Variants in ZNF160 observed in about 807,000 individuals in gnomAD.
ZNF160 encodes zinc finger protein 160.
In ZNF160, 9 loss-of-function variants were observed where a neutral mutation model predicts 13.1. The ratio of observed to expected loss-of-function variants is 0.69; its 90% CI spans 0.41 to 1.20. ZNF160 has a LOEUF of 1.20. ZNF160 is among the 50% of genes most tolerant of loss of function. The pLI is 0.01. For missense variants in ZNF160, 838 were observed against 988.0 expected (o/e 0.85, Z 2.04); for synonymous variants, 293 against 333.2 (o/e 0.88, Z 1.31).
chr19:53,093,338 C>G (rs1009147243), intron 1 of ZNF160, among the ~76,000 whole-genome samples: 5 of 152,150 alleles, frequency 3.3e-5, no homozygotes, highest in African/African-American at 1.2e-4. Context: ...ACTAGGGAGG[C>G]TGAGGCAGGA....
intron 3 of ZNF160, among the ~76,000 whole-genome samples, chr19:53,082,156 G>C (rs759354875): frequency 9.9e-5 from 15 of 152,128 alleles, no homozygotes; most frequent in South Asian, 6.2e-4. Context: ...ACTATCTATC[G>C]GGTACTATGT....
chr19:53,100,949 C>T (rs1392774978), intron 1 of ZNF160, among the ~76,000 whole-genome samples: 1 of 150,886 alleles, frequency 6.6e-6, no homozygotes, highest in African/African-American at 2.4e-5. Context: ...CACGAGTGCA[C>T]TACAGCCTGG....
intron 3 of ZNF160, among the ~76,000 whole-genome samples, chr19:53,079,069 T>C (rs1004628365): frequency 2.0e-5 from 3 of 152,074 alleles, no homozygotes; most frequent in African/African-American, 4.8e-5. Context: ...GGAAACCAAA[T>C]TGTAAAGACA....
At chr19:53,096,381 G>A (rs1460304656) in intron 1 of ZNF160, among the ~76,000 whole-genome samples, 1 of 152,002 alleles carries the variant, frequency 6.6e-6, no homozygotes, top group Non-Finnish European at 1.5e-5. Context: ...GCAGAGCCAA[G>A]GGCCCTTCAT....
intron 2 of ZNF160, among the ~76,000 whole-genome samples, chr19:53,089,870 C>T (rs113266844): frequency 4.6e-5 from 7 of 151,732 alleles, no homozygotes; most frequent in African/African-American, 1.7e-4. Context: ...TTGAGCCCCT[C>T]TCCTCTCCTG....
chr19:53,089,065 G>T (rs1298422217), intron 2 of ZNF160, among the ~76,000 whole-genome samples: 1 of 152,212 alleles, frequency 6.6e-6, no homozygotes, highest in Non-Finnish European at 1.5e-5. Flanking sequence ...GTGTTGTCCT[G>T]AGTTCGGTGA....
chr19:53,085,821 A>C, intron 3 of ZNF160: 1 of 487,898 alleles, frequency 2.0e-6, no homozygotes, highest in Non-Finnish European at 3.6e-6. Context: ...GTTCGGCTTC[A>C]AATGCAGTTA....
intron 3 of ZNF160, among the ~76,000 whole-genome samples, chr19:53,078,608 AAAAAG>A (rs757496532): frequency 3.9e-5 from 6 of 152,110 alleles, no homozygotes; most frequent in African/African-American, 1.2e-4. Flanking sequence ...CTGCATGTCA[AAAAAG>A]AAAAGAAAAG....
intron 1 of ZNF160, among the ~76,000 whole-genome samples, chr19:53,100,407 G>T (rs915600577): frequency 4.7e-5 from 7 of 148,034 alleles, no homozygotes; most frequent in African/African-American, 1.7e-4. Flanking sequence ...TCAGGAGATC[G>T]AGACCATCCT....
chr19:53,102,951 G>C (rs949181285), intron 1 of ZNF160, among the ~76,000 whole-genome samples: 1 of 152,126 alleles, frequency 6.6e-6, no homozygotes, highest in Non-Finnish European at 1.5e-5. Flanking sequence ...ACAGGGGTGG[G>C]ATGTGCAGGA....
chr19:53,080,759 C>T (rs1025486736), intron 3 of ZNF160, among the ~76,000 whole-genome samples: 5 of 152,134 alleles, frequency 3.3e-5, no homozygotes, highest in African/African-American at 1.2e-4. Context: ...GCTCAAAGAG[C>T]CAAGACAATC....
chr19:53,070,108 C>G lies in ZNF160; in HGVS notation c.426G>C (p.Glu142Asp), dbSNP rs746437699. ...TTCCTGTGTCATCTCTCCATTGACA[C>G]TCAAAATCATGCACATTTTTCTGGG... ...KEPQKNVHDFECQWRDDTGNY... is the reference protein window; with the variant it reads ...KEPQKNVHDFDCQWRDDTGNY... Residue 142 changes from glutamate to aspartate, a missense_variant, in exon 6 of 6, where the codon GAG becomes GAC. Physicochemically the swap from Glu to Asp is conservative, Grantham distance 45. This residue lies in a region of ZNF160 where 387 missense variants were observed against 402.3 expected (regional missense o/e 0.96). Coordinates refer to ENST00000683776, the MANE Select transcript of ZNF160 (RefSeq NM_001322131.2). 5.6e-6 allele frequency: 9 copies of G among 1,614,142 alleles called. No homozygotes were observed. The South Asian group carries it at 8.8e-5, about 16-fold the overall frequency.
rs776112839 is a variant in ZNF160, at chr19:53,069,626, T to C, written c.908A>G (p.His303Arg). The C allele has an allele frequency of 2.5e-6, 4 of 1,614,222 alleles. No homozygotes were observed. The Admixed American group carries it at 6.7e-5, about 27-fold the overall frequency. ...TFTVRSNLTI[H>R]QVIHTGEKPY... ...TTTTTCTCCAGTATGGATGACCTGA[T>C]GAATAGTTAGATTTGAACGAACAGT... The change falls in exon 6 of 6, where the codon CAT becomes CGT. Residue 303 changes from histidine (H) to arginine (R), a missense_variant. Around this residue, in one of 3 missense-constraint regions of ZNF160, gnomAD observed 387 missense variants for 402.3 expected, o/e 0.96. Coordinates refer to ENST00000683776, the MANE Select transcript of ZNF160 (RefSeq NM_001322131.2). The surrounding 1 kb of genome is among the most constrained non-coding windows in gnomAD (Gnocchi z 4.4).
In ZNF160 at chr19:53,074,248, T is replaced by C; in HGVS notation, c.163A>G (p.Asn55Asp). The change falls in exon 5 of 6, where the codon AAT becomes GAT. Residue 55 changes from asparagine to aspartate, a missense_variant. Transcript: ENST00000683776. Reference sequence around the variant, plus strand: ...CCTTCCTCCAACATGGAGATAATATTCATATCAAAATGACACAGTCCTGTT... The same window carrying C: ...CCTTCCTCCAACATGGAGATAATATCCATATCAAAATGACACAGTCCTGTT... Reference protein sequence around the residue: ...VSLGLCHFDMNIISMLEEGKE... With the variant: ...VSLGLCHFDMDIISMLEEGKE... 1 of 1,613,992 alleles carries C rather than the reference T, an allele frequency of 6.2e-7. No individual in the cohort carries two copies. The highest frequency in any genetic ancestry group is 1.3e-5 in the African/African-American group (1 of 74,988).
At chr19:53,079,453 G>C (rs978146404) in intron 3 of ZNF160, among the ~76,000 whole-genome samples, 4 of 151,200 alleles carry the variant, frequency 2.6e-5, no homozygotes, top group Non-Finnish European at 5.9e-5. Flanking sequence ...GGATGGCTGA[G>C]GCAGGAGAAT....
In ZNF160 at chr19:53,067,973, A is replaced by G; in HGVS notation, c.*104T>C. ...GCCTCTCATATCTATTAATGCTTCA[A>G]CTCATGAGGGATTGGCCACTGTCAC... On this transcript the variant is annotated 3_prime_UTR_variant, in exon 6 of 6. Transcript: ENST00000683776. 6.8e-7 allele frequency: 1 copy of G among 1,459,886 alleles called. No individual in the cohort carries two copies. Among genetic ancestry groups the G allele is most frequent in the Non-Finnish European group, 9.2e-7 (1 of 1,084,356 alleles). The allele number at this position is 1,459,886 out of a possible 1,614,324, so 90.4% of individuals were successfully genotyped here. A position where few individuals can be genotyped will look rare whatever the true frequency, so the allele number is the denominator to read the frequency against.
rs2085522451 is a variant in ZNF160, at chr19:53,103,400, C to T, written c.-489G>A. 1.3e-5 allele frequency: 2 copies of T among 152,282 alleles called. No individual in the cohort carries two copies. The highest frequency in any genetic ancestry group is 6.5e-5 in the Admixed American group (1 of 15,286). 9.4% of individuals were successfully genotyped at this position (152,282 alleles called of 1,614,324 possible). ...CATACGCCATGGTGTGATGCTTGCTCCGCACGATCCACTTCCGGGTCTGTG... is the reference window on the plus strand; with the variant it reads ...CATACGCCATGGTGTGATGCTTGCTTCGCACGATCCACTTCCGGGTCTGTG... On this transcript the variant is annotated 5_prime_UTR_variant, in exon 1 of 6. Coordinates refer to ENST00000683776, the MANE Select transcript of ZNF160 (RefSeq NM_001322131.2).
intron 2 of ZNF160, among the ~76,000 whole-genome samples, chr19:53,086,803 C>A (rs1017294814): frequency 6.6e-6 from 1 of 152,178 alleles, no homozygotes; most frequent in Non-Finnish European, 1.5e-5. Context: ...GTCAAGGGGG[C>A]ACAAGAGATG....
chr19:53,085,276 A>G (rs2084788692), intron 3 of ZNF160: 1 of 893,694 alleles, frequency 1.1e-6, no homozygotes, highest in Non-Finnish European at 1.3e-6. Context: ...ACAACCAAAC[A>G]TTCACTGAGG....
Sources: gnomAD v4.1 joint callset for allele counts (sites outside exome capture counted in the v4.1 genomes callset) on GRCh38, gnomAD v4.1.1 for gene constraint, gnomAD v4.1.1 regional missense constraint, Gnocchi (gnomAD v3.1) non-coding constraint, MANE v1.5 for transcripts, NCBI Gene and HGNC (gene_info 2026-07-23, HGNC 2026-07-21) for gene names.